MBD5: variants seen among roughly 807,000 people sequenced by gnomAD.
MBD5 encodes the protein methyl-CpG-binding domain protein 5.
In MBD5, 13 loss-of-function variants were observed where a neutral mutation model predicts 117.3. That is an observed-to-expected ratio of 0.11 (90% CI 0.07 to 0.18). The LOEUF (loss-of-function observed/expected upper bound fraction) is 0.18, where lower values mean the gene tolerates loss of function less well. MBD5 is among the 10% of genes least tolerant of loss of function. The pLI is 1.00. For missense variants in MBD5, 1,879 were observed against 2,093.8 expected, an observed-to-expected ratio of 0.90 and a Z score of 2.00; for synonymous variants, 727 against 766.4, an observed-to-expected ratio of 0.95 and a Z score of 0.85.
intron 1 of MBD5, among the ~76,000 whole-genome samples, chr2:148,039,656 A>G: frequency 6.8e-6 from 1 of 146,590 alleles, no homozygotes; most frequent in Non-Finnish European, 1.5e-5. Flanking sequence ...TATTCATTTT[A>G]TTAAGTGGGT....
At chr2:148,145,877 G>T (rs574086322) in intron 1 of MBD5, among the ~76,000 whole-genome samples, 6 of 152,024 alleles carry the variant, frequency 3.9e-5, no homozygotes, top group Non-Finnish European at 8.8e-5. Flanking sequence ...TTTTTGCATC[G>T]ATGTTCATCA....
At chr2:148,201,355 C>G (rs1025856510) in intron 2 of MBD5, among the ~76,000 whole-genome samples, 17 of 152,188 alleles carry the variant, frequency 1.1e-4, no homozygotes, top group African/African-American at 3.9e-4. Context: ...GAGGGAAACA[C>G]AGGGACACCC....
intron 4 of MBD5, among the ~76,000 whole-genome samples, chr2:148,368,953 C>T (rs1382507163): frequency 2.0e-5 from 3 of 152,044 alleles, no homozygotes; most frequent in Non-Finnish European, 2.9e-5. Context: ...ATGGATATCA[C>T]ATTAACAAAG....
intron 2 of MBD5, among the ~76,000 whole-genome samples, chr2:148,179,569 A>G (rs1456298035): frequency 6.6e-6 from 1 of 152,162 alleles, no homozygotes; most frequent in African/African-American, 2.4e-5. Context: ...ACCCCTGAAT[A>G]CAAACCTCTT....
chr2:148,442,806 A>G (rs1398935951), intron 4 of MBD5, among the ~76,000 whole-genome samples: 2 of 151,426 alleles, frequency 1.3e-5, no homozygotes, highest in Non-Finnish European at 2.9e-5. Flanking sequence ...CTACAAGAAA[A>G]CATTGGCAAA....
At chr2:148,318,603 G>A (rs1199377281) in intron 3 of MBD5, among the ~76,000 whole-genome samples, 1 of 152,010 alleles carries the variant, frequency 6.6e-6, no homozygotes, top group Non-Finnish European at 1.5e-5. Context: ...CTTACATTTA[G>A]ATATTTAATC....
chr2:148,176,575 A>G (rs1327777874), intron 1 of MBD5, among the ~76,000 whole-genome samples: 1 of 151,520 alleles, frequency 6.6e-6, no homozygotes, highest in Non-Finnish European at 1.5e-5. Context: ...CACCCAGCCA[A>G]TTTTTGTATT....
Position 148,512,909 on chromosome 2 carries a change from C to T in MBD5, c.5152C>T (p.Pro1718Ser). 1.2e-6 allele frequency: 2 copies of T among 1,613,922 alleles called. No homozygotes were observed. The highest frequency in any genetic ancestry group is 1.7e-6 in the Non-Finnish European group (2 of 1,179,892). ...IPQGDRQMRPPKPKRRKISR is the reference protein window; with the variant it reads ...IPQGDRQMRPSKPKRRKISR Reference sequence around the variant, plus strand: ...ACAGGGTGACAGACAAATGAGACCCCCCAAACCCAAGAGGAGGAAGATCTC... The same window carrying T: ...ACAGGGTGACAGACAAATGAGACCCTCCAAACCCAAGAGGAGGAAGATCTC... Residue 1718 changes from proline to serine, a missense_variant, in exon 14 of 14, where the codon CCC becomes TCC. Transcript: ENST00000642680.
chr2:148,074,484 G>GTTTTTTTTTTGT (rs1399170013), intron 1 of MBD5, among the ~76,000 whole-genome samples: 1 of 123,154 alleles, frequency 8.1e-6, no homozygotes, highest in Admixed American at 8.1e-5. Flanking sequence ...GGAATAGTTT[G>GTTTTTTTTTTGT]TTTTTTTTTT....
chr2:148,361,267 T>C (rs749683499), intron 4 of MBD5, among the ~76,000 whole-genome samples: 7 of 152,092 alleles, frequency 4.6e-5, no homozygotes, highest in Non-Finnish European at 8.8e-5. Flanking sequence ...GGAGAATCTC[T>C]TGAACCCAGG....
At chr2:148,139,106 C>A (rs781496027) in intron 1 of MBD5, among the ~76,000 whole-genome samples, 25 of 151,998 alleles carry the variant, frequency 1.6e-4, no homozygotes, top group Non-Finnish European at 2.4e-4. Flanking sequence ...TATTTTTATG[C>A]CCTATTGATT....
chr2:148,057,421 T>C (rs1263778241), intron 1 of MBD5, among the ~76,000 whole-genome samples: 1 of 151,896 alleles, frequency 6.6e-6, no homozygotes, highest in African/African-American at 2.4e-5. Flanking sequence ...TTTTGTTTTT[T>C]TTAGTAAGTG....
At chr2:148,275,152 C>T (rs988832071) in intron 3 of MBD5, among the ~76,000 whole-genome samples, 2 of 152,024 alleles carry the variant, frequency 1.3e-5, no homozygotes, top group African/African-American at 2.4e-5. Flanking sequence ...TTTTTAAAAT[C>T]GTTAAATTCA....
chr2:148,161,109 A>G (rs903878184), intron 1 of MBD5, among the ~76,000 whole-genome samples: 1 of 152,178 alleles, frequency 6.6e-6, no homozygotes, highest in Non-Finnish European at 1.5e-5. Flanking sequence ...TATAGTTTAC[A>G]TACACTTAAC....
Position 148,280,131 on chromosome 2 carries a change from C to CAAAAAAAAAAA in MBD5, c.-680+46745_-680+46755dup, listed in dbSNP as rs3076398. ...TTTCTATTCTTTTAAAAACTAACTG[C>CAAAAAAAAAAA]AAAAAAAAAAAAAAAAAAACAAAAA... is the stretch of plus-strand genomic sequence containing the variant. On this transcript the variant is annotated intron_variant, in intron 3 of 13. Transcript: ENST00000642680. 9.3e-4 allele frequency among the ~76,000 whole-genome samples: 85 copies of CAAAAAAAAAAA among 91,796 alleles called. 1 individual carries two copies. The highest frequency in any genetic ancestry group is 1.2e-3 in the Non-Finnish European group (53 of 46,060). The allele number at this position is 91,796 out of a possible 152,430, so 60.2% of individuals were successfully genotyped here.
rs1203855973 is a variant in MBD5, at chr2:148,374,447, A to G, written c.-557+32111A>G. The stretch of plus-strand genomic sequence containing the variant: ...GACTTCCTTTTATTTTTCTTGTTAC[A>G]AGTCTTACTGAGATATCCAGTTGTT... On this transcript the variant is annotated intron_variant, in intron 4 of 13. Coordinates refer to ENST00000642680, the MANE Select transcript of MBD5 (RefSeq NM_001378120.1). 3.9e-5 allele frequency among the ~76,000 whole-genome samples: 6 copies of G among 152,304 alleles called. No individual in the cohort carries two copies. In the East Asian group the frequency reaches 9.6e-4, roughly 24 times the overall value.
At chr2:148,246,830 A>T (rs1700349006) in intron 3 of MBD5, among the ~76,000 whole-genome samples, 4 of 149,398 alleles carry the variant, frequency 2.7e-5, no homozygotes, top group African/African-American at 9.8e-5. Context: ...ATGTTTTTTT[A>T]AAACTGCTAT....
intron 1 of MBD5, among the ~76,000 whole-genome samples, chr2:148,077,295 T>C (rs1468022724): frequency 6.6e-6 from 1 of 152,194 alleles, no homozygotes. Context: ...TTTATTGGCA[T>C]CTTGAGTTGT....
At chr2:148,131,902 G>C (rs755034075) in intron 1 of MBD5, among the ~76,000 whole-genome samples, 18 of 152,156 alleles carry the variant, frequency 1.2e-4, no homozygotes, top group Admixed American at 7.2e-4. Flanking sequence ...TTCACCTAAG[G>C]GGTGTGTGTG....
Sources: allele counts gnomAD v4.1 joint callset (sites outside exome capture counted in the v4.1 genomes callset), GRCh38; gene constraint gnomAD v4.1.1; transcripts MANE v1.5; gene names NCBI Gene and HGNC (gene_info 2026-07-23, HGNC 2026-07-21).